ZNF350: variants seen among roughly 807,000 people sequenced by gnomAD.
The protein encoded by ZNF350 is zinc finger protein 350, also known as KRAB zinc finger protein ZFQR.
ZNF350 carries 5 observed loss-of-function variants against 13.1 expected under a neutral mutation model. The observed-to-expected ratio is 0.38, with a 90% CI of 0.20 to 0.80. The LOEUF (loss-of-function observed/expected upper bound fraction) is 0.80. ZNF350 is among the 30% of genes least tolerant of loss of function. The pLI is 0.43. For missense variants in ZNF350, 534 were observed against 644.2 expected, an observed-to-expected ratio of 0.83 and a Z score of 1.85; for synonymous variants, 199 against 224.2, an observed-to-expected ratio of 0.89 and a Z score of 1.00.
At chr19:51,966,282 T>G (rs1012940623) in intron 4 of ZNF350, 68 bp from the exon 5 acceptor site, 50 of 1,412,438 alleles carry the variant, frequency 3.5e-5, no homozygotes, top group Middle Eastern at 1.9e-4. Flanking sequence ...GGTTTTTTTG[T>G]TTTTTTTGTT....
At chr19:51,977,507 ATGTAGAACGTCAAATGGCAC>A (rs2122932902) in intron 1 of ZNF350, among the ~76,000 whole-genome samples, 1 of 152,346 alleles carries the variant, frequency 6.6e-6, no homozygotes, top group East Asian at 1.9e-4. Flanking sequence ...CCTTATTCAG[ATGTAGAACGTCAAATGGCAC>A]TCCCAGATGC....
At chr19:51,966,273 G>T (rs79047548) in intron 4 of ZNF350, 59 bp from the exon 5 acceptor site, 110,030 of 1,457,106 alleles carry the variant, frequency 0.076, 5,208 homozygotes, top group South Asian at 0.22. Context: ...GTTTGTTGTG[G>T]TTTTTTTGTT....
At chr19:51,970,718 A>C (rs1405908259) in intron 2 of ZNF350, among the ~76,000 whole-genome samples, 1 of 152,182 alleles carries the variant, frequency 6.6e-6, no homozygotes, top group Admixed American at 6.5e-5. Context: ...AACACTGAAA[A>C]TTTTTCAGAA....
chr19:51,979,844 C>CTT (rs2085990680), intron 1 of ZNF350, among the ~76,000 whole-genome samples: 1 of 152,316 alleles, frequency 6.6e-6, no homozygotes, highest in South Asian at 2.1e-4. Flanking sequence ...AATGCTTCTT[C>CTT]TTTATACAAC....
intron 1 of ZNF350, among the ~76,000 whole-genome samples, chr19:51,975,305 T>C (rs2085853981): frequency 6.6e-6 from 1 of 151,762 alleles, no homozygotes; most frequent in South Asian, 2.1e-4. Context: ...CCCATCTCTA[T>C]AAAAATACAG....
At chr19:51,985,952 A>G (rs1329887840) in intron 1 of ZNF350, among the ~76,000 whole-genome samples, 1 of 152,208 alleles carries the variant, frequency 6.6e-6, no homozygotes, top group African/African-American at 2.4e-5. Context: ...GATTGCAGTG[A>G]GCCGAGATCG....
Position 51,965,744 on chromosome 19 carries a change from T to C in ZNF350, c.709A>G (p.Ser237Gly), listed in dbSNP as rs1282986578. 1.9e-6 allele frequency: 3 copies of C among 1,613,954 alleles called. No homozygotes were observed. Among genetic ancestry groups the C allele is most frequent in the Non-Finnish European group, 8.5e-7 (1 of 1,179,856 alleles). ...CTGGAGAAGGCTTTCTCACATAGAC[T>C]ACATCTGTGGGGTTTCTCTCCTGTA... The part of the protein sequence containing the change: ...MHTGEKPHRC[S>G]LCEKAFSRKF... The change falls in exon 5 of 5, where the codon AGT becomes GGT. Residue 237 changes from serine to glycine, a missense_variant. Physicochemically the swap from Ser to Gly is moderately conservative, Grantham distance 56. Coordinates refer to ENST00000243644, the MANE Select transcript of ZNF350 (RefSeq NM_021632.4).
chr19:51,975,123 A>G (rs947509459), intron 1 of ZNF350, among the ~76,000 whole-genome samples: 21 of 152,262 alleles, frequency 1.4e-4, no homozygotes, highest in Admixed American at 1.4e-3. Context: ...AGTGCCAATT[A>G]GCAGAAGAAT....
At position 51,965,243 on chromosome 19, in the gene ZNF350, A is replaced by C. The variant is rs776408816; in HGVS notation, c.1210T>G (p.Cys404Gly). Residue 404 changes from cysteine to glycine, a missense_variant, in exon 5 of 5, where the codon TGT (cysteine) becomes GGT (glycine). Transcript: ENST00000243644. The part of the protein sequence containing the change: ...RTHTGERPYG[C>G]NECGKAFAYM... Reference sequence around the variant, plus strand: ...GCAAACGCTTTCCCACACTCGTTACAGCCATAGGGTCTCTCTCCTGTATGA... The same window carrying C: ...GCAAACGCTTTCCCACACTCGTTACCGCCATAGGGTCTCTCTCCTGTATGA... The C allele has an allele frequency of 6.2e-7, 1 of 1,614,096 alleles. No individual in the cohort carries two copies. Among genetic ancestry groups the C allele is most frequent in the African/African-American group, 1.3e-5 (1 of 74,930 alleles).
At chr19:51,966,289 T>C (rs966340642) in intron 4 of ZNF350, 75 bp from the exon 5 acceptor site, 2 of 1,457,740 alleles carry the variant, frequency 1.4e-6, no homozygotes, top group Middle Eastern at 1.8e-4. Context: ...TTGTTTTTTT[T>C]GTTTTTTTTT....
chr19:51,969,659 T>G (rs567851553), intron 2 of ZNF350, among the ~76,000 whole-genome samples: 5 of 151,924 alleles, frequency 3.3e-5, no homozygotes, highest in African/African-American at 1.2e-4. Flanking sequence ...TGAGACCCCA[T>G]CTGTACAAAA....
chr19:51,980,058 T>C (rs999257793), intron 1 of ZNF350, among the ~76,000 whole-genome samples: 23 of 152,228 alleles, frequency 1.5e-4, no homozygotes, highest in African/African-American at 5.1e-4. Context: ...GTCTTAATGT[T>C]GCATTTGTAA....
At chr19:51,981,940 G>T (rs1176934628) in intron 1 of ZNF350, 1 of 151,826 alleles carries the variant, frequency 6.6e-6, no homozygotes, top group Admixed American at 6.6e-5. Flanking sequence ...AGAAAGAAAT[G>T]AATCTTTTAT....
chr19:51,965,432 T>C lies in ZNF350; in HGVS notation c.1021A>G (p.Thr341Ala). Residue 341 changes from threonine (T) to alanine (A), a missense_variant, in exon 5 of 5, where the codon ACA (threonine) becomes GCA (alanine). Transcript: ENST00000243644. ...TCLIAHQRFH[T>A]GKTPFVCSEC... ...CTGCACACAAAGGGCGTCTTTCCTG[T>C]GTGAAATCTCTGATGTGCTATGAGA... 6.2e-7 allele frequency: 1 copy of C among 1,614,224 alleles called. No individual in the cohort carries two copies. The highest frequency in any genetic ancestry group is 8.5e-7 in the Non-Finnish European group (1 of 1,180,036).
intron 2 of ZNF350, 83 bp from the exon 3 acceptor site, chr19:51,969,214 T>C: frequency 6.5e-7 from 1 of 1,543,702 alleles, no homozygotes. Flanking sequence ...TCATTTCCAC[T>C]CTACAGGCTG....
chr19:51,969,328 T>C (rs1188654096), intron 2 of ZNF350, among the ~76,000 whole-genome samples, 197 bp from the exon 3 acceptor site: 4 of 152,102 alleles, frequency 2.6e-5, no homozygotes, highest in Non-Finnish European at 4.4e-5. Context: ...ATTCACCCAA[T>C]TGGAAGTTTC....
rs1278051591 is a variant in ZNF350 at position 51,964,839 on chromosome 19, ATC to A, written c.*13_*14del. 1.3e-6 allele frequency: 2 copies of A among 1,596,208 alleles called. No individual in the cohort carries two copies. Among genetic ancestry groups the A allele is most frequent in the Non-Finnish European group, 1.7e-6 (2 of 1,169,022 alleles). On this transcript the variant is annotated 3_prime_UTR_variant, in exon 5 of 5. Transcript: ENST00000243644. The stretch of plus-strand genomic sequence containing the variant: ...TTTTGCTCAACCCTTTTCCACATAG[ATC>A]TGAGTTTTCTTCCTATGGGTTTTCT...
rs542105119 is a variant in ZNF350 at position 51,965,841 on chromosome 19, C to T, written c.612G>A (p.Lys204=). 7 of 1,614,138 alleles carry T rather than the reference C, an allele frequency of 4.3e-6. No homozygotes were observed. The East Asian group carries it at 8.9e-5, about 21-fold the overall frequency. ...TCCCACATTCACTGCACACATGATGCTTCTCTAATTTTCGTGTTTTCTGAT... is the reference window on the plus strand; with the variant it reads ...TCCCACATTCACTGCACACATGATGTTTCTCTAATTTTCGTGTTTTCTGAT... ...PKHQKTRKLE[K]HHVCSECGKA... Residue 204 remains lysine (K), a synonymous_variant, in exon 5 of 5, where the codon AAG becomes AAA. Transcript: ENST00000243644.
At chr19:51,977,010 T>TA (rs1434797272) in intron 1 of ZNF350, 1 of 152,076 alleles carries the variant, frequency 6.6e-6, no homozygotes, top group Admixed American at 6.5e-5. Context: ...CAATTAAAAA[T>TA]AAAAAACAGG....
Sources: gnomAD v4.1 joint callset for allele counts (sites outside exome capture counted in the v4.1 genomes callset) on GRCh38, gnomAD v4.1.1 for gene constraint, MANE v1.5 for transcripts, NCBI Gene and HGNC (gene_info 2026-07-23, HGNC 2026-07-21) for gene names.